The following FBLN5 variants were observed in gnomAD, a reference collection of about 807,000 sequenced individuals.
FBLN5 encodes the protein fibulin 5.
In FBLN5, 24 loss-of-function variants were observed where a neutral mutation model predicts 61.6. The observed-to-expected ratio is 0.39, with a 90% CI of 0.28 to 0.55. FBLN5 has a LOEUF of 0.55. FBLN5 is among the 20% of genes least tolerant of loss of function. FBLN5 has a pLI of 0.65. For missense variants in FBLN5, 470 were observed against 594.1 expected (o/e 0.79, Z 2.17); for synonymous variants, 213 against 219.8 (o/e 0.97, Z 0.27).
At chr14:91,878,069 A>G (rs1176656709) in intron 9 of FBLN5, 1 of 414,032 alleles carries the variant, frequency 2.4e-6, no homozygotes, top group South Asian at 1.8e-5. Context: ...AGGAAGAAAG[A>G]AAGAAATTTT....
intron 7 of FBLN5, among the ~76,000 whole-genome samples, chr14:91,884,075 T>G (rs1427503392): frequency 6.6e-6 from 1 of 152,240 alleles, no homozygotes; most frequent in African/African-American, 2.4e-5. Flanking sequence ...ACTCTCTCAC[T>G]CACAGACCAC....
At position 91,870,074 on chromosome 14, in the gene FBLN5, G is replaced by T. The variant is rs747157173; in HGVS notation, c.*150C>A. 32 of 777,840 alleles carry T rather than the reference G, an allele frequency of 4.1e-5. No homozygotes were observed. Among genetic ancestry groups the T allele is most frequent in the Non-Finnish European group, 6.8e-5 (31 of 454,296 alleles). 48.2% of individuals were successfully genotyped at this position (777,840 alleles called of 1,614,324 possible). A position where few individuals can be genotyped will look rare whatever the true frequency, so the allele number is the denominator to read the frequency against. On this transcript the variant is annotated 3_prime_UTR_variant, in exon 11 of 11. Coordinates refer to ENST00000342058, the MANE Select transcript of FBLN5 (RefSeq NM_006329.4). ...GTGACAGGTCTGCAATAGTACAGGT[G>T]AGAGTCAGGAAGTCGGGGCTGACTC...
intron 6 of FBLN5, 84 bp downstream of exon 6, chr14:91,891,137 C>A: frequency 1.2e-6 from 1 of 824,114 alleles, no homozygotes; most frequent in South Asian, 1.3e-5. Flanking sequence ...AGCAGTATTT[C>A]CCACAAACAT....
chr14:91,881,753 T>A (rs1889484326), intron 8 of FBLN5, among the ~76,000 whole-genome samples: 1 of 150,792 alleles, frequency 6.6e-6, no homozygotes, highest in Non-Finnish European at 1.5e-5. Flanking sequence ...CAAAGCAAGG[T>A]CTTATCTCTT....
At chr14:91,899,092 G>A (rs1029901232) in intron 4 of FBLN5, among the ~76,000 whole-genome samples, 3 of 152,144 alleles carry the variant, frequency 2.0e-5, no homozygotes, top group Middle Eastern at 3.4e-3. Context: ...ATAAGCCACC[G>A]TGCCCGGCCC....
At chr14:91,932,714 C>A (rs922742379) in intron 4 of FBLN5, among the ~76,000 whole-genome samples, 1 of 152,126 alleles carries the variant, frequency 6.6e-6, no homozygotes, top group African/African-American at 2.4e-5. Flanking sequence ...ATATAGGGGA[C>A]GAAGGAATAA....
At chr14:91,930,169 G>A (rs946894232) in intron 4 of FBLN5, among the ~76,000 whole-genome samples, 7 of 152,162 alleles carry the variant, frequency 4.6e-5, no homozygotes, top group Admixed American at 3.3e-4. Context: ...TTACAGTAAC[G>A]AACTTAGGAA....
chr14:91,888,746 C>T (rs754746116), intron 6 of FBLN5, among the ~76,000 whole-genome samples: 2 of 152,046 alleles, frequency 1.3e-5, no homozygotes, highest in African/African-American at 4.8e-5. Context: ...GGAACTGGAA[C>T]ATGAGTCAGG....
At chr14:91,941,949 T>C (rs2056112516) in intron 2 of FBLN5, 1 of 352,094 alleles carries the variant, frequency 2.8e-6, no homozygotes, top group East Asian at 7.5e-5. Context: ...CTAAAATTCT[T>C]TGTTACTCCT....
At chr14:91,934,460 A>G (rs1444605492) in intron 4 of FBLN5, among the ~76,000 whole-genome samples, 1 of 152,142 alleles carries the variant, frequency 6.6e-6, no homozygotes, top group African/African-American at 2.4e-5. Flanking sequence ...CGCATTAATT[A>G]TTGTAAAGGT....
intron 9 of FBLN5, 192 bp from the exon 10 acceptor site, chr14:91,877,874 A>T: frequency 1.5e-6 from 1 of 667,158 alleles, no homozygotes; most frequent in East Asian, 2.9e-5. Context: ...TGTTTCCTAG[A>T]GAATGGACTT....
At chr14:91,910,929 A>C (rs996936390) in intron 4 of FBLN5, among the ~76,000 whole-genome samples, 2 of 152,118 alleles carry the variant, frequency 1.3e-5, no homozygotes, top group Non-Finnish European at 2.9e-5. Context: ...AAGTGGGAAC[A>C]CCAGCTTTGG....
intron 9 of FBLN5, 118 bp from the exon 10 acceptor site, chr14:91,877,800 A>C: frequency 1.3e-6 from 1 of 779,666 alleles, no homozygotes; most frequent in South Asian, 1.4e-5. Context: ...TCCAAATGCC[A>C]TAACTGTAGA....
chr14:91,944,865 G>A (rs1331707941), intron 1 of FBLN5, among the ~76,000 whole-genome samples: 1 of 152,222 alleles, frequency 6.6e-6, no homozygotes. Context: ...AAGAGTTCTG[G>A]AGATTGCACA....
chr14:91,941,754 A>G (rs2056108244), intron 2 of FBLN5, among the ~76,000 whole-genome samples: 1 of 145,384 alleles, frequency 6.9e-6, no homozygotes, highest in Non-Finnish European at 1.5e-5. Context: ...TAACTTTTCT[A>G]TGCCTCAGTT....
chr14:91,884,550 T>G (rs1193494148), intron 7 of FBLN5, among the ~76,000 whole-genome samples: 1 of 152,352 alleles, frequency 6.6e-6, no homozygotes, highest in Non-Finnish European at 1.5e-5. Flanking sequence ...ACTCTCCATA[T>G]TTTACAGAAG....
intron 4 of FBLN5, among the ~76,000 whole-genome samples, chr14:91,896,187 C>T (rs542436882): frequency 1.3e-4 from 20 of 152,296 alleles, no homozygotes; most frequent in Middle Eastern, 3.4e-3. Context: ...TAGGGGAGAG[C>T]GCCCAAGATC....
At chr14:91,931,425 T>A (rs556774333) in intron 4 of FBLN5, among the ~76,000 whole-genome samples, 9 of 152,306 alleles carry the variant, frequency 5.9e-5, no homozygotes, top group African/African-American at 2.2e-4. Context: ...ACTGAAGAAG[T>A]ACTGGCTGGC....
chr14:91,891,837 T>C (rs1278135616), intron 5 of FBLN5, among the ~76,000 whole-genome samples: 1 of 152,138 alleles, frequency 6.6e-6, no homozygotes, highest in East Asian at 1.9e-4. Context: ...ATCACTCCAA[T>C]AGGCTCCTTG....
Sources: allele counts gnomAD v4.1 joint callset (sites outside exome capture counted in the v4.1 genomes callset), GRCh38; gene constraint gnomAD v4.1.1; transcripts MANE v1.5; gene names NCBI Gene and HGNC (gene_info 2026-07-23, HGNC 2026-07-21).